The following COL4A4 variants were observed in gnomAD, a reference collection of about 807,000 sequenced individuals.
The protein encoded by COL4A4 is collagen type IV alpha 4 chain, also known as collagen alpha-4(IV) chain.
Under a neutral mutation model 192.9 loss-of-function variants are expected in COL4A4, and 105 were observed. The ratio of observed to expected loss-of-function variants is 0.54; its 90% CI spans 0.46 to 0.64. COL4A4 has a LOEUF of 0.64. COL4A4 is among the 30% of genes least tolerant of loss of function. The pLI is 0.00. For missense variants in COL4A4, 1,967 were observed against 2,169.3 expected, an observed-to-expected ratio of 0.91 and a Z score of 1.85; for synonymous variants, 762 against 769.9, an observed-to-expected ratio of 0.99 and a Z score of 0.17.
At chr2:226,967,621 G>A in the COL4A4 span, among the ~76,000 whole-genome samples, 6 of 144,302 alleles carry the variant, frequency 4.2e-5, no homozygotes, top group African/African-American at 1.3e-4. Flanking sequence ...TTTCTGATCC[G>A]TAATTCTACA....
intron 37 of COL4A4, among the ~76,000 whole-genome samples, chr2:227,037,451 G>A (rs1022274127): frequency 2.0e-5 from 3 of 152,296 alleles, no homozygotes; most frequent in South Asian, 2.1e-4. Context: ...ATTCCATGGT[G>A]TACATGTGCC....
intron 20 of COL4A4, among the ~76,000 whole-genome samples, chr2:227,093,133 C>G (rs779673911): frequency 6.6e-6 from 1 of 152,076 alleles, no homozygotes; most frequent in African/African-American, 2.4e-5. Flanking sequence ...GGAGATATGA[C>G]CTAAATAACT....
chr2:227,138,159 A>G (rs10180867), intron 4 of COL4A4, among the ~76,000 whole-genome samples: 63,043 of 150,854 alleles, frequency 0.42, 13,695 homozygotes, highest in Non-Finnish European at 0.49. Context: ...AATAATAATC[A>G]AAAAAATAAT....
the COL4A4 span, among the ~76,000 whole-genome samples, chr2:226,974,172 A>G: frequency 1.3e-5 from 2 of 152,212 alleles, no homozygotes; most frequent in Admixed American, 6.6e-5. Context: ...GAATGTGGGA[A>G]GGTTCCGCTG....
chr2:227,010,624 C>T (rs1667442746), intron 45 of COL4A4, 123 bp from the exon 46 acceptor site: 1 of 697,038 alleles, frequency 1.4e-6, no homozygotes, highest in Non-Finnish European at 2.3e-6. Context: ...ATGACTCAGC[C>T]CCTCCTCGCC....
intron 12 of COL4A4, among the ~76,000 whole-genome samples, chr2:227,107,912 C>G (rs1338856056): frequency 6.6e-6 from 1 of 152,006 alleles, no homozygotes; most frequent in Non-Finnish European, 1.5e-5. Context: ...CACGCACCAC[C>G]ACGCCCAGCT....
At chr2:227,131,627 C>T (rs143047995) in intron 4 of COL4A4, among the ~76,000 whole-genome samples, 11 of 152,188 alleles carry the variant, frequency 7.2e-5, no homozygotes, top group Admixed American at 2.0e-4. Context: ...AGCTGAATGG[C>T]GCCACAAAAA....
chr2:227,066,918 T>G (rs2150354484), intron 25 of COL4A4, among the ~76,000 whole-genome samples: 1 of 150,456 alleles, frequency 6.6e-6, no homozygotes, highest in East Asian at 1.9e-4. Flanking sequence ...AGACACAGAC[T>G]GGCAAATTGG....
intron 44 of COL4A4, among the ~76,000 whole-genome samples, chr2:227,018,512 C>T (rs915687863): frequency 2.6e-5 from 4 of 152,158 alleles, no homozygotes; most frequent in African/African-American, 9.7e-5. Context: ...TCCTTTGTAA[C>T]AGGAACCCAG....
rs773533313 is a variant in COL4A4, at chr2:227,108,861, G to A, written c.665C>T (p.Pro222Leu). 6.6e-5 allele frequency: 106 copies of A among 1,611,632 alleles called. 1 individual carries two copies. The South Asian group carries it at 6.8e-4, about 10-fold the overall frequency. ...YPGEPGLVGP[P>L]GQPGRPGLKG... The stretch of plus-strand genomic sequence containing the variant: ...CAAACCTGGACGCCCTGGTTGGCCC[G>A]GAGGTCCCTAAATCAAGGGAGAAAA... Residue 222 changes from proline to leucine, a missense_variant, in exon 11 of 48, where the codon CCG becomes CTG. Physicochemically the swap from Pro to Leu is moderately conservative, Grantham distance 98. Coordinates refer to ENST00000396625, the MANE Select transcript of COL4A4 (RefSeq NM_000092.5).
intron 4 of COL4A4, among the ~76,000 whole-genome samples, chr2:227,129,621 C>A (rs1394046552): frequency 6.6e-6 from 1 of 152,082 alleles, no homozygotes; most frequent in Non-Finnish European, 1.5e-5. Flanking sequence ...GTTGGCCAGG[C>A]TGGTCTCGAA....
At position 227,007,595 on chromosome 2, in the gene COL4A4, A is replaced by G. The variant is rs544088414; in HGVS notation, c.4810-7T>C. On this transcript the variant is annotated splice_region_variant and splice_polypyrimidine_tract_variant and intron_variant, in intron 47 of 47. Coordinates refer to ENST00000396625, the MANE Select transcript of COL4A4 (RefSeq NM_000092.5). ...GGTCCCCAGCTCCTGTGTGCTACCCAGAAAACAAGAGAGAATTAGGGCTCA... is the reference window on the plus strand; with the variant it reads ...GGTCCCCAGCTCCTGTGTGCTACCCGGAAAACAAGAGAGAATTAGGGCTCA... 1.9e-6 allele frequency: 3 copies of G among 1,612,352 alleles called. No individual in the cohort carries two copies. The South Asian group carries it at 3.3e-5, about 18-fold the overall frequency.
intron 25 of COL4A4, among the ~76,000 whole-genome samples, chr2:227,074,082 C>CA (rs201869757): frequency 2.8e-4 from 43 of 151,138 alleles, no homozygotes; most frequent in Admixed American, 4.0e-4. Context: ...CTCTGCACAA[C>CA]AAAAAAAATA....
At chr2:227,051,283 C>T (rs1212841305) in intron 32 of COL4A4, 125 bp from the exon 33 acceptor site, 2 of 961,456 alleles carry the variant, frequency 2.1e-6, no homozygotes, top group Non-Finnish European at 3.3e-6. Context: ...GATTGCTGTC[C>T]CAAGCCGCTT....
chr2:226,999,606 G>C (rs554498835), downstream of COL4A4, among the ~76,000 whole-genome samples: 19 of 152,302 alleles, frequency 1.2e-4, no homozygotes, highest in African/African-American at 3.9e-4. Context: ...TAGATGAATT[G>C]GCAGATTTAG....
At chr2:226,987,826 G>T in the COL4A4 span, among the ~76,000 whole-genome samples, 1 of 152,216 alleles carries the variant, frequency 6.6e-6, no homozygotes, top group Non-Finnish European at 1.5e-5. Context: ...AAGTTCCTGG[G>T]CTCCAACCAC....
intron 45 of COL4A4, 44 bp from the exon 46 acceptor site, chr2:227,010,545 T>A (rs1963443240): frequency 3.4e-6 from 5 of 1,455,278 alleles, no homozygotes; most frequent in African/African-American, 1.4e-5. Flanking sequence ...TTAGGGGGTT[T>A]GGTTTAACAA....
intron 23 of COL4A4, among the ~76,000 whole-genome samples, chr2:227,081,409 C>A (rs1466793980): frequency 1.3e-5 from 2 of 152,188 alleles, no homozygotes; most frequent in Non-Finnish European, 2.9e-5. Flanking sequence ...GGTTCTTCGG[C>A]CTTTGGACTC....
intron 32 of COL4A4, 81 bp from the exon 33 acceptor site, chr2:227,051,239 T>G: frequency 2.1e-6 from 3 of 1,426,594 alleles, no homozygotes; most frequent in Non-Finnish European, 3.0e-6. Flanking sequence ...TGGTCCTACT[T>G]TTAGGAGATA....
Sources: allele counts gnomAD v4.1 joint callset (sites outside exome capture counted in the v4.1 genomes callset), GRCh38; gene constraint gnomAD v4.1.1; transcripts MANE v1.5; gene names NCBI Gene and HGNC (gene_info 2026-07-23, HGNC 2026-07-21).